The following CKAP5 variants were observed in gnomAD, a reference collection of about 807,000 sequenced individuals.
The protein encoded by CKAP5 is cytoskeleton-associated protein 5.
Under a neutral mutation model 232.8 loss-of-function variants are expected in CKAP5, and 27 were observed. That is an observed-to-expected ratio of 0.12 (90% CI 0.09 to 0.16). CKAP5 has a LOEUF of 0.16. Ranked by LOEUF, CKAP5 falls within the 10% of genes least tolerant of loss-of-function variation. The pLI is 1.00. For synonymous variants in CKAP5, 785 were observed against 841.1 expected, an observed-to-expected ratio of 0.93 and a Z score of 1.16; for missense variants, 1,838 against 2,424.7, an observed-to-expected ratio of 0.76 and a Z score of 5.08.
At chr11:46,757,381 T>C (rs1051195401) in intron 35 of CKAP5, among the ~76,000 whole-genome samples, 1 of 150,122 alleles carries the variant, frequency 6.7e-6, no homozygotes, top group Non-Finnish European at 1.5e-5. Flanking sequence ...TAATCCCAGC[T>C]GCTAGGGAGG....
Position 46,816,254 on chromosome 11 carries a change from G to A in CKAP5, c.402C>T (p.Asp134=). ...AVQEELLKGL[D]NKNPKIIVAC... is the part of the protein sequence containing the mutation. ...CCACTATGATCTTGGGATTCTTATTGTCCAAGCCTTTCAGGAGCTCTTCTT... is the reference window on the plus strand; with the variant it reads ...CCACTATGATCTTGGGATTCTTATTATCCAAGCCTTTCAGGAGCTCTTCTT... The change falls in exon 4 of 44, where the codon GAC becomes GAT. Residue 134 remains aspartate (D), a synonymous_variant. Transcript: ENST00000529230. The A allele has an allele frequency of 6.2e-7, 1 of 1,614,074 alleles. No individual in the cohort carries two copies. Among genetic ancestry groups the A allele is most frequent in the South Asian group, 1.1e-5 (1 of 91,074 alleles).
At position 46,743,739 on chromosome 11, in the gene CKAP5, GAAA is replaced by G; in HGVS notation, c.*281_*283del. On this transcript the variant is annotated 3_prime_UTR_variant, in exon 44 of 44. Transcript: ENST00000529230. ...AATTTTACAAATGAGCAATTAAAAAGAAAAGAAAAGGATCTGGGAACTAGACTG... is the reference window on the plus strand; with the variant it reads ...AATTTTACAAATGAGCAATTAAAAAGAGAAAAGGATCTGGGAACTAGACTG... The G allele has an allele frequency of 5.3e-5, 2 of 37,892 alleles. No homozygotes were observed. Among genetic ancestry groups the G allele is most frequent in the Non-Finnish European group, 1.9e-4 (2 of 10,526 alleles). The allele number at this position is 37,892 out of a possible 1,614,324, so 2.3% of individuals were successfully genotyped here. A position where few individuals can be genotyped will look rare whatever the true frequency, so the allele number is the denominator to read the frequency against.
At position 46,795,771 on chromosome 11, in the gene CKAP5, T is replaced by G. The variant is rs1196562447; in HGVS notation, c.1473A>C (p.Lys491Asn). ...DVDKLKLDKIKECSEKVELIH... is the reference protein window; with the variant it reads ...DVDKLKLDKINECSEKVELIH... ...TCAGTTCTACCTTTTCTGAACATTC[T>G]TTGATCTGGAGAATGAAAGTGAGAT... The change falls in exon 13 of 44, where the codon AAA becomes AAC. Residue 491 changes from lysine (K) to asparagine (N), a missense_variant. By Grantham distance (94) the Lys-to-Asn change is moderately conservative (BLOSUM62 0). This residue lies in a region of CKAP5 where 767 missense variants were observed against 954.6 expected (regional missense o/e 0.80). Transcript: ENST00000529230. 3.1e-6 allele frequency: 5 copies of G among 1,612,870 alleles called. No individual in the cohort carries two copies. The South Asian group carries it at 5.5e-5, about 18-fold the overall frequency.
chr11:46,755,951 T>G (rs1427189199), intron 35 of CKAP5, among the ~76,000 whole-genome samples: 2 of 152,142 alleles, frequency 1.3e-5, no homozygotes, highest in Non-Finnish European at 2.9e-5. Context: ...AAAATACTTA[T>G]GTTTAAATGT....
At chr11:46,845,370 T>G (rs1940161484) in intron 1 of CKAP5, among the ~76,000 whole-genome samples, 1 of 152,180 alleles carries the variant, frequency 6.6e-6, no homozygotes, top group African/African-American at 2.4e-5. Context: ...TGATGCTGAA[T>G]AAAAAACTCA....
At chr11:46,816,519 C>A (rs1235774573) in intron 3 of CKAP5, 115 bp from the exon 4 acceptor site, 4 of 709,940 alleles carry the variant, frequency 5.6e-6, no homozygotes, top group African/African-American at 1.8e-5. Flanking sequence ...GTAAATGAGT[C>A]TTTAATTTTT....
At position 46,767,594 on chromosome 11, in the gene CKAP5, C is replaced by T; in HGVS notation, c.3392G>A (p.Gly1131Glu). The T allele has an allele frequency of 6.2e-7, 1 of 1,611,836 alleles. No homozygotes were observed. Among genetic ancestry groups the T allele is most frequent in the African/African-American group, 1.3e-5 (1 of 74,980 alleles). Residue 1131 changes from glycine to glutamate, a missense_variant, in exon 27 of 44, where the codon GGA (glycine) becomes GAA (glutamate). Transcript: ENST00000529230. ...ACATACCTTTGCTTTAGAGGATAATCCTGGAGCTTTGGCCTTTTTTGGATC... is the reference window on the plus strand; with the variant it reads ...ACATACCTTTGCTTTAGAGGATAATTCTGGAGCTTTGGCCTTTTTTGGATC... ...KPDPKKAKAP[G>E]LSSKAKSAQG...
At position 46,795,784 on chromosome 11, in the gene CKAP5, A is replaced by C; in HGVS notation, c.1468-8T>G. ...TTCTGAACATTCTTTGATCTGGAGA[A>C]TGAAAGTGAGATGAACATCATTAAG... On this transcript the variant is annotated splice_polypyrimidine_tract_variant and splice_region_variant and intron_variant, in intron 12 of 43. Transcript: ENST00000529230. 1 of 1,610,946 alleles carries C rather than the reference A, an allele frequency of 6.2e-7. No individual in the cohort carries two copies. Among genetic ancestry groups the C allele is most frequent in the Non-Finnish European group, 8.5e-7 (1 of 1,178,076 alleles).
At chr11:46,840,876 A>G (rs1006230271) in intron 1 of CKAP5, among the ~76,000 whole-genome samples, 6 of 150,576 alleles carry the variant, frequency 4.0e-5, no homozygotes, top group African/African-American at 1.5e-4. Flanking sequence ...AAGCACAGGT[A>G]AAAAAAAACC....
chr11:46,775,991 C>A (rs75439556), intron 24 of CKAP5, among the ~76,000 whole-genome samples: 9,050 of 152,058 alleles, frequency 0.06, 382 homozygotes, highest in Non-Finnish European at 0.095. Context: ...CACAAAACCT[C>A]TGATTTTACC....
At chr11:46,754,123 G>A (rs1267318152) in intron 36 of CKAP5, among the ~76,000 whole-genome samples, 4 of 151,704 alleles carry the variant, frequency 2.6e-5, no homozygotes, top group Non-Finnish European at 4.4e-5. Flanking sequence ...TCAGCCTCCC[G>A]AGTAGCTGGG....
At chr11:46,843,393 T>C (rs1940106311) in intron 1 of CKAP5, among the ~76,000 whole-genome samples, 1 of 151,816 alleles carries the variant, frequency 6.6e-6, no homozygotes, top group African/African-American at 2.4e-5. Context: ...CCAGGTACAG[T>C]AGTACCAAGA....
intron 4 of CKAP5, among the ~76,000 whole-genome samples, chr11:46,813,287 T>C (rs1208998594): frequency 2.0e-5 from 3 of 152,062 alleles, no homozygotes; most frequent in Non-Finnish European, 4.4e-5. Flanking sequence ...AATAAACCAT[T>C]TTGTTTTAGG....
intron 9 of CKAP5, among the ~76,000 whole-genome samples, chr11:46,799,086 G>A (rs1337790971): frequency 1.3e-5 from 2 of 152,134 alleles, no homozygotes; most frequent in Admixed American, 1.3e-4. Flanking sequence ...TGAAGCCTCG[G>A]CCTCCTGGGC....
intron 24 of CKAP5, 135 bp downstream of exon 24, chr11:46,776,120 G>T: frequency 1.5e-6 from 1 of 676,332 alleles, no homozygotes; most frequent in Non-Finnish European, 2.2e-6. Flanking sequence ...AAGGCCCCAG[G>T]AATGTGATTT....
chr11:46,779,017 T>C (rs1284530884), intron 20 of CKAP5, among the ~76,000 whole-genome samples: 1 of 151,974 alleles, frequency 6.6e-6, no homozygotes, highest in Non-Finnish European at 1.5e-5. Context: ...AAGGTGGAGG[T>C]TGGAATAAGC....
chr11:46,818,983 T>G (rs933697010), intron 2 of CKAP5, among the ~76,000 whole-genome samples: 1 of 152,200 alleles, frequency 6.6e-6, no homozygotes, highest in Non-Finnish European at 1.5e-5. Context: ...TTTCATTAAT[T>G]TATTCAACAG....
In CKAP5 at chr11:46,763,158, C is replaced by T. The variant is rs1174177238; in HGVS notation, c.3709G>A (p.Gly1237Arg). The change falls in exon 30 of 44, where the codon GGA becomes AGA. Residue 1237 changes from glycine (G) to arginine (R), a missense_variant. This residue lies in a region of CKAP5 where 48 missense variants were observed against 98.1 expected (regional missense o/e 0.49). Transcript: ENST00000529230. ...ATAAGATCCAGGCAACCAATAACTC[C>T]TTCTTTTTCACTCTCCAAGTGCTTA... ...MVDHLESEKE[G>R]VIGCLDLILK... 1 of 1,612,864 alleles carries T rather than the reference C, an allele frequency of 6.2e-7. No homozygotes were observed.
chr11:46,815,358 A>T (rs1330968757), intron 4 of CKAP5, among the ~76,000 whole-genome samples: 2 of 151,898 alleles, frequency 1.3e-5, no homozygotes, highest in African/African-American at 4.8e-5. Flanking sequence ...ATATTTATTT[A>T]TTTTTTAAAG....
Sources: gnomAD v4.1 joint callset for allele counts (sites outside exome capture counted in the v4.1 genomes callset) on GRCh38, gnomAD v4.1.1 for gene constraint, gnomAD v4.1.1 regional missense constraint, MANE v1.5 for transcripts, NCBI Gene and HGNC (gene_info 2026-07-23, HGNC 2026-07-21) for gene names.